Variants in SLC30A7 observed in about 807,000 individuals in gnomAD.
The protein encoded by SLC30A7 is zinc transporter 7.
Under a neutral mutation model 46.0 loss-of-function variants are expected in SLC30A7, and 35 were observed. That is an observed-to-expected ratio of 0.76 (90% CI 0.58 to 1.01). The LOEUF is 1.01. SLC30A7 is among the 50% of genes least tolerant of loss of function. SLC30A7 has a pLI of 0.00. For missense variants in SLC30A7, 464 were observed against 451.1 expected (o/e 1.03, Z -0.26); for synonymous variants, 147 against 157.8 (o/e 0.93, Z 0.51).
At chr1:100,896,422 A>G (rs41305864) in intron 1 of SLC30A7, 80 bp downstream of exon 1, 48 of 1,500,330 alleles carry the variant, frequency 3.2e-5, no homozygotes, top group Non-Finnish European at 3.7e-5. Context: ...CCCGAGGTCC[A>G]GTGAGGGAGA....
intron 6 of SLC30A7, among the ~76,000 whole-genome samples, chr1:100,917,741 A>G (rs986397370): frequency 6.6e-6 from 1 of 152,152 alleles, no homozygotes; most frequent in African/African-American, 2.4e-5. Flanking sequence ...CAAGCAGTAC[A>G]TTTGGGTTTC....
At chr1:100,907,707 T>C (rs1178665253) in intron 3 of SLC30A7, among the ~76,000 whole-genome samples, 1 of 151,852 alleles carries the variant, frequency 6.6e-6, no homozygotes, top group Admixed American at 6.6e-5. Context: ...GTCCTTTTCC[T>C]CCTCTTCTCT....
At chr1:100,966,650 CTGTTT>C in intron 10 of SLC30A7, among the ~76,000 whole-genome samples, 1 of 152,024 alleles carries the variant, frequency 6.6e-6, no homozygotes, top group East Asian at 1.9e-4. Flanking sequence ...TGGGAAATAC[CTGTTT>C]TAGTTAATAT....
In SLC30A7 at chr1:100,979,799, A is replaced by T. The variant is rs1656817396; in HGVS notation, c.*4942A>T. The T allele has an allele frequency of 6.6e-6, 1 of 152,134 alleles. No individual in the cohort carries two copies. Among genetic ancestry groups the T allele is most frequent in the South Asian group, 2.1e-4 (1 of 4,826 alleles). The allele number at this position is 152,134 out of a possible 1,614,324, so 9.4% of individuals were successfully genotyped here. A position where few individuals can be genotyped will look rare whatever the true frequency, so the allele number is the denominator to read the frequency against. On this transcript the variant is annotated 3_prime_UTR_variant, in exon 11 of 11. Coordinates refer to ENST00000357650, the MANE Select transcript of SLC30A7 (RefSeq NM_133496.5). ...GATAATTTAAGTGACTTGCCTGGGG[A>T]ATCTAGCCAGTAGTAGAGTACTGAT...
intron 2 of SLC30A7, among the ~76,000 whole-genome samples, chr1:100,905,395 G>T (rs373150453): frequency 1.3e-5 from 2 of 150,896 alleles, no homozygotes; most frequent in Non-Finnish European, 3.0e-5. Flanking sequence ...TTTTTTCCTC[G>T]CTTGGGTTCA....
chr1:100,921,036 C>CT lies in SLC30A7; in HGVS notation c.707-669dup, dbSNP rs1373202049. ...TTTGACTTACTAAATGTTATTATGT[C>CT]TAAGTTTTTAGAATATCAGTATAAC... On this transcript the variant is annotated intron_variant, in intron 7 of 10. Coordinates refer to ENST00000357650, the MANE Select transcript of SLC30A7 (RefSeq NM_133496.5). 1.4e-4 allele frequency among the ~76,000 whole-genome samples: 22 copies of CT among 152,028 alleles called. No homozygotes were observed. In the Middle Eastern group the frequency reaches 0.017, roughly 118 times the overall value.
At chr1:100,984,543 C>G (rs1657162027), downstream of SLC30A7, among the ~76,000 whole-genome samples, 1 of 152,148 alleles carries the variant, frequency 6.6e-6, no homozygotes, top group South Asian at 2.1e-4. Flanking sequence ...AAATTGTGTG[C>G]CACAAACTTG....
At chr1:100,937,478 T>C (rs1369020761) in intron 8 of SLC30A7, among the ~76,000 whole-genome samples, 2 of 152,186 alleles carry the variant, frequency 1.3e-5, no homozygotes, top group Non-Finnish European at 2.9e-5. Context: ...TTATTTTTGT[T>C]TTTTGTTTCT....
chr1:100,936,798 T>C (rs1211560993), intron 8 of SLC30A7, among the ~76,000 whole-genome samples: 1 of 152,176 alleles, frequency 6.6e-6, no homozygotes, highest in Non-Finnish European at 1.5e-5. Context: ...TCTGTCTCTA[T>C]GAAGTTGTGA....
At chr1:100,906,776 A>C in intron 2 of SLC30A7, 76 bp from the exon 3 acceptor site, 1 of 952,722 alleles carries the variant, frequency 1.0e-6, no homozygotes, top group South Asian at 1.3e-5. Flanking sequence ...ACAAAGGCTG[A>C]ATCTTAGACT....
At chr1:100,934,421 C>A (rs943989690) in intron 8 of SLC30A7, among the ~76,000 whole-genome samples, 1 of 151,914 alleles carries the variant, frequency 6.6e-6, no homozygotes, top group Admixed American at 6.6e-5. Context: ...CAATAAGGGG[C>A]CATTTAGGTT....
intron 2 of SLC30A7, among the ~76,000 whole-genome samples, chr1:100,897,720 A>G (rs971084586): frequency 2.6e-5 from 4 of 152,182 alleles, no homozygotes; most frequent in Non-Finnish European, 5.9e-5. Context: ...TTTCAATTCA[A>G]CCGTCAATTC....
Position 100,911,170 on chromosome 1 carries a change from A to T in SLC30A7, c.384+20A>T, listed in dbSNP as rs1439397229. On this transcript the variant is annotated intron_variant, in intron 4 of 10. Coordinates refer to ENST00000357650, the MANE Select transcript of SLC30A7 (RefSeq NM_133496.5). Reference sequence around the variant, plus strand: ...GTTGAGGTATAGTAGATAATTATTAAAGTCAGTAAATTACATTTCTGTAAT... The same window carrying T: ...GTTGAGGTATAGTAGATAATTATTATAGTCAGTAAATTACATTTCTGTAAT... The T allele has an allele frequency of 6.1e-6, 9 of 1,477,614 alleles. No individual in the cohort carries two copies. The highest frequency in any genetic ancestry group is 8.4e-6 in the Non-Finnish European group (9 of 1,071,746). The allele number at this position is 1,477,614 out of a possible 1,614,324, so 91.5% of individuals were successfully genotyped here.
At chr1:100,930,768 T>C (rs1165976419) in intron 8 of SLC30A7, among the ~76,000 whole-genome samples, 2 of 152,136 alleles carry the variant, frequency 1.3e-5, no homozygotes, top group East Asian at 3.8e-4. Flanking sequence ...AACTTGCTGC[T>C]TGTATATGTG....
chr1:100,929,471 T>G (rs1653537541), intron 8 of SLC30A7, among the ~76,000 whole-genome samples: 1 of 152,110 alleles, frequency 6.6e-6, no homozygotes, highest in South Asian at 2.1e-4. Flanking sequence ...TAGGAAATAG[T>G]GAAAACTCTT....
chr1:100,911,917 T>C (rs1187931107), intron 4 of SLC30A7, among the ~76,000 whole-genome samples, 195 bp from the exon 5 acceptor site: 1 of 152,210 alleles, frequency 6.6e-6, no homozygotes, highest in Non-Finnish European at 1.5e-5. Flanking sequence ...TTTGTATTTA[T>C]TTTAAAATAG....
At chr1:100,994,996 T>G in the SLC30A7 span, 34 of 696,736 alleles carry the variant, frequency 4.9e-5, no homozygotes, top group Admixed American at 8.1e-4. Flanking sequence ...ATGTTCACAC[T>G]GTTAATGAGA....
chr1:100,931,966 G>T (rs1018294954), intron 8 of SLC30A7, among the ~76,000 whole-genome samples: 1 of 152,046 alleles, frequency 6.6e-6, no homozygotes, highest in Non-Finnish European at 1.5e-5. Flanking sequence ...TACCATTTTT[G>T]TTGTTGCTAT....
intron 8 of SLC30A7, among the ~76,000 whole-genome samples, chr1:100,934,949 T>TC (rs2101049897): frequency 6.6e-6 from 1 of 152,130 alleles, no homozygotes; most frequent in African/African-American, 2.4e-5. Context: ...TGAGTCGTGA[T>TC]CACGCCACTG....
Sources: gnomAD v4.1 joint callset for allele counts (sites outside exome capture counted in the v4.1 genomes callset) on GRCh38, gnomAD v4.1.1 for gene constraint, MANE v1.5 for transcripts, NCBI Gene and HGNC (gene_info 2026-07-23, HGNC 2026-07-21) for gene names.